Variants in DNAJC6 observed in about 807,000 individuals in gnomAD.
DNAJC6 encodes the protein DnaJ heat shock protein family (Hsp40) member C6.
A neutral mutation model predicts 110.0 loss-of-function variants in DNAJC6; 34 were observed. The ratio of observed to expected loss-of-function variants is 0.31; its 90% confidence interval spans 0.24 to 0.41. The LOEUF is 0.41. Among genes scored for constraint, DNAJC6 ranks in the 10% least tolerant of loss-of-function variants. The pLI is 1.00. For missense variants in DNAJC6, 1,031 were observed against 1,207.8 expected (o/e 0.85, Z 2.17); for synonymous variants, 406 against 437.2 (o/e 0.93, Z 0.89).
exon 1 of DNAJC6, chr1:65,264,757 A>T: frequency 2.7e-6 from 4 of 1,456,544 alleles, no homozygotes; most frequent in Non-Finnish European, 3.6e-6. Flanking sequence ...ATAACCCCGC[A>T]CACCGACTTG....
intron 1 of DNAJC6, among the ~76,000 whole-genome samples, chr1:65,343,768 C>T (rs909170533): frequency 6.6e-6 from 1 of 151,862 alleles, no homozygotes; most frequent in Non-Finnish European, 1.5e-5. Context: ...AAAAATATTC[C>T]GAGGTTGTAT....
At chr1:65,412,879 A>AT in intron 18 of DNAJC6, 45 bp from the exon 19 acceptor site, 1 of 1,499,288 alleles carries the variant, frequency 6.7e-7, no homozygotes, top group Non-Finnish European at 9.1e-7. Flanking sequence ...TATTAATGAA[A>AT]TTTTGGTCTG....
chr1:65,264,769 A>G, exon 1 of DNAJC6: 3 of 1,476,270 alleles, frequency 2.0e-6, no homozygotes, highest in Non-Finnish European at 2.7e-6. Flanking sequence ...ACCGACTTGC[A>G]TGCAATTATC....
At chr1:65,273,086 C>T (rs1251595927) in intron 1 of DNAJC6, among the ~76,000 whole-genome samples, 1 of 151,962 alleles carries the variant, frequency 6.6e-6, no homozygotes, top group East Asian at 1.9e-4. Flanking sequence ...TTGTCAAGGT[C>T]TTATACATTT....
chr1:65,325,896 C>T (rs1263705790), intron 1 of DNAJC6, among the ~76,000 whole-genome samples: 5 of 152,142 alleles, frequency 3.3e-5, no homozygotes, highest in African/African-American at 1.2e-4. Flanking sequence ...AATTATAACA[C>T]AATGGTAAGT....
At chr1:65,327,942 T>TG (rs1239652187) in intron 1 of DNAJC6, among the ~76,000 whole-genome samples, 4 of 152,174 alleles carry the variant, frequency 2.6e-5, no homozygotes, top group Admixed American at 2.0e-4. Context: ...TGTGAACTCC[T>TG]GGGCACAAGC....
At chr1:65,295,431 C>T (rs952779159) in intron 1 of DNAJC6, among the ~76,000 whole-genome samples, 2 of 152,060 alleles carry the variant, frequency 1.3e-5, no homozygotes, top group Non-Finnish European at 2.9e-5. Flanking sequence ...ATGGAAAAGT[C>T]CTGTGAAAAA....
At chr1:65,280,579 T>C (rs1653813222) in intron 1 of DNAJC6, among the ~76,000 whole-genome samples, 1 of 152,202 alleles carries the variant, frequency 6.6e-6, no homozygotes, top group South Asian at 2.1e-4. Flanking sequence ...CCTCCATTCC[T>C]TCTTCTCTCT....
intron 1 of DNAJC6, among the ~76,000 whole-genome samples, chr1:65,288,637 G>A (rs924236565): frequency 3.9e-5 from 6 of 152,162 alleles, no homozygotes; most frequent in African/African-American, 1.4e-4. Flanking sequence ...GTAACAGGAG[G>A]TTACTAGCAA....
intron 1 of DNAJC6, among the ~76,000 whole-genome samples, chr1:65,275,148 C>T (rs935820958): frequency 6.6e-6 from 1 of 152,040 alleles, no homozygotes; most frequent in Non-Finnish European, 1.5e-5. Flanking sequence ...TAAATTTACC[C>T]ACATATTTAC....
intron 1 of DNAJC6, among the ~76,000 whole-genome samples, chr1:65,315,722 C>T (rs1425637845): frequency 2.0e-5 from 3 of 152,148 alleles, no homozygotes; most frequent in African/African-American, 7.2e-5. Flanking sequence ...TAGTAACGGT[C>T]ATCTTATAGT....
intron 1 of DNAJC6, among the ~76,000 whole-genome samples, chr1:65,288,440 A>G (rs1654091294): frequency 6.6e-6 from 1 of 152,208 alleles, no homozygotes; most frequent in Admixed American, 6.5e-5. Context: ...ACATTGCACA[A>G]ATGGGCATAT....
intron 1 of DNAJC6, among the ~76,000 whole-genome samples, chr1:65,295,551 T>C (rs1050105319): frequency 6.6e-6 from 1 of 152,188 alleles, no homozygotes; most frequent in African/African-American, 2.4e-5. Flanking sequence ...TCTTGGTTGA[T>C]AAAAGAATAA....
chr1:65,288,839 T>C (rs1489407672), intron 1 of DNAJC6, among the ~76,000 whole-genome samples: 1 of 152,232 alleles, frequency 6.6e-6, no homozygotes, highest in Non-Finnish European at 1.5e-5. Flanking sequence ...TGTGTGGTAG[T>C]TGTAGTTCAT....
intron 1 of DNAJC6, among the ~76,000 whole-genome samples, chr1:65,324,240 G>A (rs779262635): frequency 6.6e-6 from 1 of 151,848 alleles, no homozygotes; most frequent in Non-Finnish European, 1.5e-5. Context: ...CAAATAGCAC[G>A]ATCTCAACTC....
chr1:65,379,005 C>T lies in DNAJC6; in HGVS notation c.544-397C>T, dbSNP rs556519575. Among the ~76,000 whole-genome samples, 20 of 152,240 alleles carry T rather than the reference C, an allele frequency of 1.3e-4. No individual in the cohort carries two copies. The South Asian group carries it at 2.5e-3, about 19-fold the overall frequency. On this transcript the variant is annotated intron_variant, in intron 4 of 18. Coordinates refer to ENST00000371069, the MANE Select transcript of DNAJC6 (RefSeq NM_001256864.2). Reference sequence around the variant, plus strand: ...CTCTATAGCACTTTTCATGTTATCACGAGAGCTGGGATAAATTAGAGATGG... The same window carrying T: ...CTCTATAGCACTTTTCATGTTATCATGAGAGCTGGGATAAATTAGAGATGG...
chr1:65,384,297 A>G lies in DNAJC6; in HGVS notation c.771A>G (p.Pro257=). 6.3e-7 allele frequency: 1 copy of G among 1,581,292 alleles called. No individual in the cohort carries two copies. The highest frequency in any genetic ancestry group is 8.6e-7 in the Non-Finnish European group (1 of 1,166,184). ...TTCGATTGCTATATGCAAAGCGACC[A>G]GGAATTGGACTTTCACCATCCCATA... ...PAIRLLYAKR[P]GIGLSPSHRR... is the part of the protein sequence containing the mutation. The change falls in exon 6 of 19, where the codon CCA becomes CCG. Residue 257 remains proline, a synonymous_variant. Coordinates refer to ENST00000371069, the MANE Select transcript of DNAJC6 (RefSeq NM_001256864.2).
At chr1:65,337,018 T>C (rs981570522) in intron 1 of DNAJC6, among the ~76,000 whole-genome samples, 2 of 151,754 alleles carry the variant, frequency 1.3e-5, no homozygotes, top group African/African-American at 4.9e-5. Flanking sequence ...GTTGTTGTTG[T>C]TGGGAAAAAA....
intron 1 of DNAJC6, among the ~76,000 whole-genome samples, chr1:65,286,138 C>T (rs904861378): frequency 4.6e-5 from 7 of 152,220 alleles, no homozygotes; most frequent in Non-Finnish European, 8.8e-5. Flanking sequence ...CCCACTCTTG[C>T]TGTGTGTGTA....
Sources: gnomAD v4.1 joint callset for allele counts (sites outside exome capture counted in the v4.1 genomes callset) on GRCh38, gnomAD v4.1.1 for gene constraint, MANE v1.5 for transcripts, NCBI Gene and HGNC (gene_info 2026-07-23, HGNC 2026-07-21) for gene names.